The following SLTM variants were observed in gnomAD, a reference collection of about 807,000 sequenced individuals.
SLTM encodes SAFB like transcription modulator, also known as SAFB-like transcription modulator.
Under a neutral mutation model 134.6 loss-of-function variants are expected in SLTM, and 43 were observed. The ratio of observed to expected loss-of-function variants is 0.32; its 90% confidence interval spans 0.25 to 0.41. SLTM has a LOEUF of 0.41. SLTM is among the 10% of genes least tolerant of loss of function. The probability of loss-of-function intolerance (pLI) is 1.00; values close to 1 mark genes in which losing one functional copy is unlikely to be tolerated. For missense variants in SLTM, 1,055 were observed against 1,288.8 expected (o/e 0.82, Z 2.78); for synonymous variants, 424 against 432.3 (o/e 0.98, Z 0.24).
chr15:58,932,052 T>C (rs2037916848), intron 2 of SLTM: 1 of 223,360 alleles, frequency 4.5e-6, no homozygotes, highest in South Asian at 9.4e-5. Flanking sequence ...GGTAGACATG[T>C]GTTAAACTGT....
chr15:58,882,834 C>T (rs1243189643), intron 20 of SLTM, among the ~76,000 whole-genome samples: 1 of 152,198 alleles, frequency 6.6e-6, no homozygotes, highest in Admixed American at 6.5e-5. Context: ...CCACATCCGA[C>T]CTCAGTGTGA....
chr15:58,888,751 ATT>A, intron 16 of SLTM, 196 bp from the exon 17 acceptor site: 1 of 428,334 alleles, frequency 2.3e-6, no homozygotes, highest in South Asian at 6.8e-5. Context: ...TGTGAGAGGA[ATT>A]TAACAGGAGA....
chr15:58,895,078 A>G (rs2141002541), intron 9 of SLTM, among the ~76,000 whole-genome samples: 1 of 152,330 alleles, frequency 6.6e-6, no homozygotes, highest in South Asian at 2.1e-4. Context: ...TTAAAGTGCC[A>G]AAAAGCAATT....
At chr15:58,897,759 A>G (rs1434540853) in intron 8 of SLTM, among the ~76,000 whole-genome samples, 1 of 152,168 alleles carries the variant, frequency 6.6e-6, no homozygotes, top group Non-Finnish European at 1.5e-5. Flanking sequence ...ATGCAGCTGG[A>G]TAACTCTAGA....
chr15:58,881,111 C>T (rs2013117), intron 20 of SLTM, among the ~76,000 whole-genome samples: 111,680 of 151,582 alleles, frequency 0.74, 41,804 homozygotes, highest in Middle Eastern at 0.85. Flanking sequence ...GGAGAATTGC[C>T]TGAACCCGGG....
intron 19 of SLTM, among the ~76,000 whole-genome samples, chr15:58,886,248 T>C (rs1454912175): frequency 6.8e-6 from 1 of 148,144 alleles, no homozygotes; most frequent in African/African-American, 2.5e-5. Flanking sequence ...TGTGTGTGTG[T>C]GTGTGTGTGT....
intron 2 of SLTM, among the ~76,000 whole-genome samples, chr15:58,923,636 T>A (rs12708456): frequency 0.62 from 94,827 of 151,812 alleles, 31,610 homozygotes; most frequent in Middle Eastern, 0.79. Flanking sequence ...CATTTATGTC[T>A]ACCCGATTTA....
chr15:58,922,263 G>A (rs1483222031), intron 2 of SLTM, among the ~76,000 whole-genome samples: 1 of 147,252 alleles, frequency 6.8e-6, no homozygotes, highest in Non-Finnish European at 1.5e-5. Flanking sequence ...TGTAATCCCA[G>A]CTATTTGGGA....
At chr15:58,886,218 A>AGTGTGTGTGTGTGT (rs60261686) in intron 19 of SLTM, among the ~76,000 whole-genome samples, 3 of 124,458 alleles carry the variant, frequency 2.4e-5, no homozygotes, top group East Asian at 4.6e-4. Context: ...GAAAAAGAAG[A>AGTGTGTGTGTGTGT]GTGTGTGTGT....
chr15:58,924,077 G>C (rs1485724612), intron 2 of SLTM, among the ~76,000 whole-genome samples: 5 of 152,050 alleles, frequency 3.3e-5, no homozygotes, highest in Non-Finnish European at 7.4e-5. Context: ...GGCCTCCCAA[G>C]GTGCTGGGAT....
chr15:58,879,168 A>T lies in SLTM; in HGVS notation c.*831T>A, dbSNP rs1286964084. On this transcript the variant is annotated 3_prime_UTR_variant, in exon 21 of 21. Transcript: ENST00000380516. Reference sequence around the variant, plus strand: ...CCTGGGTTTTTTTCCACTTCTCAACATAGTTGGGAACATGGAAACATTAAT... The same window carrying T: ...CCTGGGTTTTTTTCCACTTCTCAACTTAGTTGGGAACATGGAAACATTAAT... 6.6e-6 allele frequency: 1 copy of T among 152,254 alleles called. No individual in the cohort carries two copies. The highest frequency in any genetic ancestry group is 6.5e-5 in the Admixed American group (1 of 15,280). The allele number at this position is 152,254 out of a possible 1,614,324, so 9.4% of individuals were successfully genotyped here.
rs147030566 is a variant in SLTM at position 58,890,362 on chromosome 15, G to A, written c.1998C>T (p.Arg666=). ...CTAGTTTTTGCCTTTCAATTTCTAG[G>A]CGCTCTCTCTCTCTCTGTAAGCGTT... is the stretch of plus-strand genomic sequence containing the variant. The part of the protein sequence containing the change: ...ERERLQRERE[R]LEIERQKLER... Residue 666 remains arginine, a synonymous_variant, in exon 15 of 21, where the codon CGC becomes CGT. Coordinates refer to ENST00000380516, the MANE Select transcript of SLTM (RefSeq NM_024755.4). 8.6e-5 allele frequency: 138 copies of A among 1,613,724 alleles called. No individual in the cohort carries two copies. The highest frequency in any genetic ancestry group is 1.1e-4 in the Non-Finnish European group (130 of 1,179,940).
rs746843770 is a variant in SLTM, at chr15:58,887,380, C to T, written c.2536G>A (p.Val846Ile). 2 of 1,613,940 alleles carry T rather than the reference C, an allele frequency of 1.2e-6. No homozygotes were observed. Among genetic ancestry groups the T allele is most frequent in the Non-Finnish European group, 1.7e-6 (2 of 1,179,974 alleles). Reference protein sequence around the residue: ...NELRESDRREVRGERDERRTV... With the variant: ...NELRESDRREIRGERDERRTV... ...CTCCTTTCGTCTCGCTCCCCTCGTA[C>T]TTCTCGCCTGTCTGATTCTCTAAGT... Residue 846 changes from valine (V) to isoleucine (I), a missense_variant, in exon 18 of 21, where the codon GTA (valine) becomes ATA (isoleucine). By Grantham distance (29) the Val-to-Ile change is conservative (BLOSUM62 3). This residue lies in a region of SLTM where 776 missense variants were observed against 962.2 expected (regional missense o/e 0.81). Coordinates refer to ENST00000380516, the MANE Select transcript of SLTM (RefSeq NM_024755.4).
In SLTM at chr15:58,890,286, C is replaced by G; in HGVS notation, c.2074G>C (p.Glu692Gln). The change falls in exon 15 of 21, where the codon GAA becomes CAA. Residue 692 changes from glutamate (E) to glutamine (Q), a missense_variant. Physicochemically the swap from Glu to Gln is conservative, Grantham distance 29 (BLOSUM62 2). Around this residue, in one of 3 missense-constraint regions of SLTM, gnomAD observed 776 missense variants for 962.2 expected, o/e 0.81. Coordinates refer to ENST00000380516, the MANE Select transcript of SLTM (RefSeq NM_024755.4). ...AAAAGATTTTCTGACTGCACCTGTT[C>G]AATACGAATGCGTTCCCTTTCCAAG... ...ERLERERIRI[E>Q]QERRKEAERI... is the part of the protein sequence containing the mutation. 6.2e-7 allele frequency: 1 copy of G among 1,613,928 alleles called. No individual in the cohort carries two copies.
At chr15:58,921,519 C>A (rs1394232238) in intron 2 of SLTM, 2 of 424,764 alleles carry the variant, frequency 4.7e-6, no homozygotes. Context: ...ACTTTGCTGT[C>A]CCATACTGTT....
At chr15:58,921,231 G>T (rs1017231783) in intron 2 of SLTM, among the ~76,000 whole-genome samples, 13 of 152,116 alleles carry the variant, frequency 8.5e-5, no homozygotes, top group African/African-American at 2.9e-4. Context: ...AAACAATTAT[G>T]CCCCTTTTAC....
At chr15:58,930,285 T>A (rs1402286350) in intron 2 of SLTM, among the ~76,000 whole-genome samples, 18 of 45,652 alleles carry the variant, frequency 3.9e-4, no homozygotes, top group East Asian at 3.1e-3. Context: ...CCAGCTATTT[T>A]TTTTTTTTTT....
Position 58,933,551 on chromosome 15 carries a change from G to A in SLTM, c.15C>T (p.Thr5=), listed in dbSNP as rs138619901. The stretch of plus-strand genomic sequence containing the variant: ...AGGCGGCCGAGGCTGCCACCGCACC[G>A]GTAGCGGCAGCCATCTTAGAAGAGC... The part of the protein sequence containing the change: MAAA[T]GAVAASAASG... The change falls in exon 1 of 21, where the codon ACC becomes ACT. Residue 5 remains threonine (T), a synonymous_variant. Transcript: ENST00000380516. The A allele has an allele frequency of 1.0e-5, 16 of 1,593,842 alleles. No homozygotes were observed. The highest frequency in any genetic ancestry group is 9.6e-5 in the African/African-American group (7 of 72,740).
At chr15:58,889,294 A>T (rs557111277) in intron 16 of SLTM, 136 bp downstream of exon 16, 1 of 1,125,354 alleles carries the variant, frequency 8.9e-7, no homozygotes, top group South Asian at 1.5e-5. Context: ...CTACCCCAGT[A>T]CTGTAATCCT....
Sources: allele counts gnomAD v4.1 joint callset (sites outside exome capture counted in the v4.1 genomes callset), GRCh38; gene constraint gnomAD v4.1.1; regional missense constraint gnomAD v4.1.1; transcripts MANE v1.5; gene names NCBI Gene and HGNC (gene_info 2026-07-23, HGNC 2026-07-21).